The following RUNX2 variants were observed in gnomAD, a reference collection of about 807,000 sequenced individuals.
The protein encoded by RUNX2 is runt-related transcription factor 2.
A neutral mutation model predicts 51.7 loss-of-function variants in RUNX2; 10 were observed. That is an observed-to-expected ratio of 0.19 (90% CI 0.12 to 0.33). RUNX2 has a LOEUF of 0.33. Among genes scored for constraint, RUNX2 ranks in the 10% least tolerant of loss-of-function variants. The pLI is 1.00. For missense variants in RUNX2, 562 were observed against 691.3 expected (o/e 0.81, Z 2.10); for synonymous variants, 276 against 273.6 (o/e 1.01, Z -0.09).
chr6:45,496,155 G>A (rs1800640131), intron 6 of RUNX2, among the ~76,000 whole-genome samples: 1 of 152,144 alleles, frequency 6.6e-6, no homozygotes. Flanking sequence ...AGGATATGAT[G>A]TTGGGAGATA....
chr6:45,485,093 C>T (rs1187996687), intron 5 of RUNX2, among the ~76,000 whole-genome samples: 1 of 152,130 alleles, frequency 6.6e-6, no homozygotes, highest in African/African-American at 2.4e-5. Context: ...CCCCTCTCTT[C>T]CAGTGAAGTC....
chr6:45,452,795 A>G (rs530138560), intron 5 of RUNX2, among the ~76,000 whole-genome samples: 5 of 152,358 alleles, frequency 3.3e-5, no homozygotes, highest in East Asian at 3.9e-4. Context: ...AGGTGACACA[A>G]CAAGGAAGAA....
chr6:45,361,189 C>A (rs1347838961), intron 2 of RUNX2, among the ~76,000 whole-genome samples: 1 of 152,006 alleles, frequency 6.6e-6, no homozygotes, highest in African/African-American at 2.4e-5. Context: ...TAAGAAAATT[C>A]TGATTAAAAT....
intron 2 of RUNX2, among the ~76,000 whole-genome samples, chr6:45,348,669 C>G (rs1791418702): frequency 9.9e-6 from 1 of 100,732 alleles, no homozygotes; most frequent in Non-Finnish European, 2.2e-5. Flanking sequence ...AGTAAAACTC[C>G]AACTCAAAAA....
At chr6:45,541,034 T>G (rs897155933) in intron 7 of RUNX2, among the ~76,000 whole-genome samples, 1 of 152,204 alleles carries the variant, frequency 6.6e-6, no homozygotes, top group Non-Finnish European at 1.5e-5. Flanking sequence ...ACATTTTAGG[T>G]TTGATGTCAG....
intron 2 of RUNX2, among the ~76,000 whole-genome samples, chr6:45,331,713 T>C (rs1231964374): frequency 6.6e-6 from 1 of 151,954 alleles, no homozygotes; most frequent in East Asian, 1.9e-4. Flanking sequence ...TGGAAAAAGA[T>C]CTGGCTGGTC....
chr6:45,531,776 A>G (rs1801855118), intron 7 of RUNX2, among the ~76,000 whole-genome samples: 1 of 152,042 alleles, frequency 6.6e-6, no homozygotes, highest in African/African-American at 2.4e-5. Flanking sequence ...CTCAAAATAT[A>G]TGGTTTTATA....
intron 2 of RUNX2, among the ~76,000 whole-genome samples, chr6:45,410,715 T>G (rs567939216): frequency 2.0e-5 from 3 of 152,158 alleles, no homozygotes; most frequent in Admixed American, 6.5e-5. Context: ...CTGTGTACAG[T>G]TGTACTGTTA....
chr6:45,425,546 T>A (rs1214692297), intron 3 of RUNX2, among the ~76,000 whole-genome samples: 5 of 152,328 alleles, frequency 3.3e-5, no homozygotes, highest in Non-Finnish European at 1.5e-5. Context: ...ACTGTCAATG[T>A]CTTTCTATCA....
intron 7 of RUNX2, among the ~76,000 whole-genome samples, chr6:45,518,919 G>T (rs1331583096): frequency 6.6e-6 from 1 of 152,172 alleles, no homozygotes; most frequent in Non-Finnish European, 1.5e-5. Flanking sequence ...AGGGGGCGCA[G>T]TTTAACTTAG....
Position 45,359,852 on chromosome 6 carries a change from T to C in RUNX2, c.58+31068T>C, listed in dbSNP as rs1375596419. On this transcript the variant is annotated intron_variant, in intron 2 of 8. Coordinates refer to ENST00000647337, the MANE Select transcript of RUNX2 (RefSeq NM_001024630.4). ...TGAGCCCAGAAGTTCAAGACCAGCC[T>C]GGGCAACACGACAAAATCCTGCCTC... 4.6e-5 allele frequency among the ~76,000 whole-genome samples: 7 copies of C among 152,264 alleles called. No individual in the cohort carries two copies. The East Asian group carries it at 1.4e-3, about 29-fold the overall frequency.
At chr6:45,348,512 C>CAAA (rs754208599) in intron 2 of RUNX2, among the ~76,000 whole-genome samples, 2 of 110,366 alleles carry the variant, frequency 1.8e-5, no homozygotes, top group South Asian at 3.1e-4. Context: ...ACTAAAAATA[C>CAAA]AAAAAAAAAA....
intron 2 of RUNX2, among the ~76,000 whole-genome samples, chr6:45,395,947 T>C (rs1458597376): frequency 1.3e-5 from 2 of 152,202 alleles, no homozygotes; most frequent in Admixed American, 1.3e-4. Context: ...ATTATAGGCA[T>C]GAGTTACTGC....
chr6:45,381,710 T>C (rs1022293004), intron 2 of RUNX2, among the ~76,000 whole-genome samples: 7 of 152,038 alleles, frequency 4.6e-5, no homozygotes, highest in Non-Finnish European at 1.0e-4. Context: ...ATTACAGGAG[T>C]GAGCTGCCAT....
intron 2 of RUNX2, among the ~76,000 whole-genome samples, chr6:45,406,693 G>A (rs1305311134): frequency 2.0e-5 from 3 of 152,048 alleles, no homozygotes; most frequent in Non-Finnish European, 4.4e-5. Context: ...ATTACATTTA[G>A]TTTTATTGCA....
chr6:45,478,072 C>T (rs1265371313), intron 5 of RUNX2, among the ~76,000 whole-genome samples: 1 of 152,154 alleles, frequency 6.6e-6, no homozygotes, highest in Non-Finnish European at 1.5e-5. Context: ...TGACTAAATT[C>T]TACTCATTCT....
chr6:45,491,018 T>C (rs1800444570), intron 5 of RUNX2, among the ~76,000 whole-genome samples: 1 of 152,234 alleles, frequency 6.6e-6, no homozygotes, highest in Non-Finnish European at 1.5e-5. Context: ...AAGACACTAG[T>C]ATGTCTTTTG....
chr6:45,546,895 C>T lies in RUNX2; in HGVS notation c.1156C>T (p.Arg386Cys), dbSNP rs753780685. 5.0e-6 allele frequency: 8 copies of T among 1,613,884 alleles called. No individual in the cohort carries two copies. In the Admixed American group the frequency reaches 5.0e-5, roughly 10 times the overall value. The change falls in exon 9 of 9, where the codon CGC (arginine) becomes TGC (cysteine). Residue 386 changes from arginine to cysteine, a missense_variant. By Grantham distance (180) the Arg-to-Cys change is radical. Coordinates refer to ENST00000647337, the MANE Select transcript of RUNX2 (RefSeq NM_001024630.4). ...AAGCATTTCATCCCTCACTGAGAGC[C>T]GCTTCTCCAACCCACGAATGCACTA... The part of the protein sequence containing the change: ...FPSISSLTES[R>C]FSNPRMHYPA...
chr6:45,491,602 A>G (rs1397793347), intron 5 of RUNX2, among the ~76,000 whole-genome samples: 1 of 149,670 alleles, frequency 6.7e-6, no homozygotes, highest in Non-Finnish European at 1.5e-5. Context: ...AAACACCCCC[A>G]ATACACATCT....
Sources: gnomAD v4.1 joint callset for allele counts (sites outside exome capture counted in the v4.1 genomes callset) on GRCh38, gnomAD v4.1.1 for gene constraint, MANE v1.5 for transcripts, NCBI Gene and HGNC (gene_info 2026-07-23, HGNC 2026-07-21) for gene names.